Variants in IMPG1 observed in about 807,000 individuals in gnomAD.
The protein encoded by IMPG1 is interphotoreceptor matrix proteoglycan of 150 kDa.
IMPG1 carries 85 observed loss-of-function variants against 92.0 expected under a neutral mutation model. That is an observed-to-expected ratio of 0.92 (90% CI 0.78 to 1.11). IMPG1 has a LOEUF of 1.11. Ranked by LOEUF, IMPG1 falls within the 50% of genes least tolerant of loss-of-function variation. The pLI, the probability that IMPG1 is intolerant of heterozygous loss-of-function variation, is 0.00. For missense variants in IMPG1, 1,022 were observed against 956.0 expected (o/e 1.07, Z -0.91); for synonymous variants, 367 against 334.1 (o/e 1.10, Z -1.08).
chr6:76,027,824 C>T (rs1200353240), intron 4 of IMPG1, among the ~76,000 whole-genome samples: 1 of 152,104 alleles, frequency 6.6e-6, no homozygotes, highest in Admixed American at 6.6e-5. Context: ...CATTTTGGCA[C>T]AATAAATAAT....
chr6:76,048,830 C>T lies in IMPG1; in HGVS notation c.68-6704G>A, dbSNP rs543719321. ...ACAGAAATACCATTTGACCATTTGA[C>T]CCAGCAGTCCCATTACTGCATATAC... On this transcript the variant is annotated intron_variant, in intron 1 of 16. Transcript: ENST00000369950. Among the ~76,000 whole-genome samples the T allele has an allele frequency of 4.6e-5, 7 of 152,300 alleles. No homozygotes were observed. The South Asian group carries it at 1.5e-3, about 32-fold the overall frequency.
chr6:75,971,700 G>A lies in IMPG1; in HGVS notation c.1292-20606C>T, dbSNP rs190189820. Among the ~76,000 whole-genome samples, 39 of 152,292 alleles carry A rather than the reference G, an allele frequency of 2.6e-4. 1 individual carries two copies. The highest frequency in any genetic ancestry group is 2.6e-3 in the Admixed American group (39 of 15,290). ...GAAAAACTTCAGTGTCTTATCTAGT[G>A]CACCTTCCAGGCTAACTGATTCATA... On this transcript the variant is annotated intron_variant, in intron 12 of 16. Transcript: ENST00000369950.
Position 76,034,635 on chromosome 6 carries a change from C to G in IMPG1, c.454G>C (p.Asp152His). 4 of 1,614,122 alleles carry G rather than the reference C, an allele frequency of 2.5e-6. No individual in the cohort carries two copies. Among genetic ancestry groups the G allele is most frequent in the Non-Finnish European group, 3.4e-6 (4 of 1,179,992 alleles). Residue 152 changes from aspartate (D) to histidine (H), a missense_variant, in exon 3 of 17, where the codon GAT becomes CAT. Transcript: ENST00000369950. ...KNFSNSQEHL[D>H]LLQQRIKQRS... is the part of the protein sequence containing the mutation. ...TTTAGGCTCACCTGCTGGAGAAGAT[C>G]CAGGTGCTCCTGGGAATTGCTGAAG...
chr6:76,042,012 A>G lies in IMPG1; in HGVS notation c.182T>C (p.Phe61Ser). The change falls in exon 2 of 17, where the codon TTC becomes TCC. Residue 61 changes from phenylalanine to serine, a missense_variant. Physicochemically the swap from Phe to Ser is radical, Grantham distance 155. Around this residue, in one of 3 missense-constraint regions of IMPG1, gnomAD observed 681 missense variants for 583.6 expected, o/e 1.17. Coordinates refer to ENST00000369950, the MANE Select transcript of IMPG1 (RefSeq NM_001563.4). Reference sequence around the variant, plus strand: ...TTTTGTTCGATGCTTTGCCAAATCGAATATTCGTCTCATAGTTGACATTTT... The same window carrying G: ...TTTTGTTCGATGCTTTGCCAAATCGGATATTCGTCTCATAGTTGACATTTT... ...MYKMSTMRRI[F>S]DLAKHRTKRS... 3 of 1,613,478 alleles carry G rather than the reference A, an allele frequency of 1.9e-6. No homozygotes were observed.
chr6:76,026,421 T>A (rs889504819), intron 4 of IMPG1, among the ~76,000 whole-genome samples: 1 of 152,164 alleles, frequency 6.6e-6, no homozygotes, highest in African/African-American at 2.4e-5. Flanking sequence ...CATGCCCCCA[T>A]ACCCCATTGC....
chr6:76,009,044 C>T (rs1453468607), intron 8 of IMPG1, among the ~76,000 whole-genome samples: 1 of 152,062 alleles, frequency 6.6e-6, no homozygotes, highest in African/African-American at 2.4e-5. Flanking sequence ...TTGTGTATTC[C>T]AATAGTTCAT....
At chr6:75,962,155 T>G (rs1256098885) in intron 12 of IMPG1, among the ~76,000 whole-genome samples, 1 of 152,106 alleles carries the variant, frequency 6.6e-6, no homozygotes, top group Non-Finnish European at 1.5e-5. Context: ...GTTCTTACTT[T>G]GTCACCCAGG....
At chr6:76,016,094 C>A (rs1783282989) in intron 7 of IMPG1, among the ~76,000 whole-genome samples, 1 of 152,092 alleles carries the variant, frequency 6.6e-6, no homozygotes, top group Admixed American at 6.5e-5. Context: ...TGAGTTAGTA[C>A]ATATAAAGCA....
At chr6:76,011,268 G>A (rs41269329) in intron 7 of IMPG1, 44 bp from the exon 8 acceptor site, 37 of 1,073,444 alleles carry the variant, frequency 3.4e-5, no homozygotes, top group Non-Finnish European at 5.2e-5. Flanking sequence ...TGGTTCTGCT[G>A]GGTCAGTTCT....
rs149733497 is a variant in IMPG1, at chr6:75,979,817, A to T, written c.1291+23101T>A. On this transcript the variant is annotated intron_variant, in intron 12 of 16. Coordinates refer to ENST00000369950, the MANE Select transcript of IMPG1 (RefSeq NM_001563.4). ...CATAAAATTTCACAACAAAAGAGTA[A>T]CTGTATTTATTAACAATGAACTTTG... Among the ~76,000 whole-genome samples, 80 of 152,354 alleles carry T rather than the reference A, an allele frequency of 5.3e-4. No homozygotes were observed. The East Asian group carries it at 0.013, about 25-fold the overall frequency.
intron 12 of IMPG1, among the ~76,000 whole-genome samples, chr6:75,990,703 A>G (rs770865721): frequency 1.3e-5 from 2 of 152,134 alleles, no homozygotes; most frequent in Non-Finnish European, 1.5e-5. Flanking sequence ...GAAGTGCATA[A>G]CAATTCCAGA....
intron 12 of IMPG1, among the ~76,000 whole-genome samples, chr6:75,957,566 C>T (rs1323541377): frequency 2.6e-5 from 4 of 152,132 alleles, no homozygotes; most frequent in Admixed American, 2.0e-4. Context: ...GCCCTAAGAA[C>T]CTGCTCTATA....
intron 2 of IMPG1, among the ~76,000 whole-genome samples, chr6:76,036,432 CTA>C (rs1783743579): frequency 6.6e-6 from 1 of 152,190 alleles, no homozygotes; most frequent in Admixed American, 6.5e-5. Flanking sequence ...GAATCTCACT[CTA>C]TATCCATCCA....
At chr6:75,926,895 G>A (rs1781562978) in intron 15 of IMPG1, among the ~76,000 whole-genome samples, 1 of 152,208 alleles carries the variant, frequency 6.6e-6, no homozygotes, top group Non-Finnish European at 1.5e-5. Context: ...ACAATGACAA[G>A]TAACTGAAGC....
intron 12 of IMPG1, among the ~76,000 whole-genome samples, chr6:75,987,746 G>A (rs748226667): frequency 6.6e-6 from 1 of 151,382 alleles, no homozygotes; most frequent in South Asian, 2.1e-4. Flanking sequence ...CCGGGTTCAC[G>A]CCATTCTCCT....
At chr6:76,055,596 A>C (rs1458676061) in intron 1 of IMPG1, among the ~76,000 whole-genome samples, 1 of 151,930 alleles carries the variant, frequency 6.6e-6, no homozygotes, top group African/African-American at 2.4e-5. Context: ...AAATGAAAAA[A>C]AGAAATATAA....
At chr6:76,065,371 A>ATT in intron 1 of IMPG1, among the ~76,000 whole-genome samples, 1 of 152,102 alleles carries the variant, frequency 6.6e-6, no homozygotes, top group Non-Finnish European at 1.5e-5. Context: ...TTTACTAAAG[A>ATT]GATAAATATT....
In IMPG1 at chr6:76,030,706, TA is replaced by T. The variant is rs35787408; in HGVS notation, c.497+3608del. 4.7e-3 allele frequency among the ~76,000 whole-genome samples: 712 copies of T among 152,282 alleles called. 6 individuals are homozygous for T. Among genetic ancestry groups the T allele is most frequent in the African/African-American group, 0.016 (673 of 41,562 alleles). On this transcript the variant is annotated intron_variant, in intron 4 of 16. Coordinates refer to ENST00000369950, the MANE Select transcript of IMPG1 (RefSeq NM_001563.4). The stretch of plus-strand genomic sequence containing the variant: ...AATGGCCCCTTCTGCTGGGAATCCT[TA>T]AATAGGCCTCTGAGGAAGCTCTGAC...
intron 1 of IMPG1, among the ~76,000 whole-genome samples, chr6:76,044,587 G>C (rs759360552): frequency 6.6e-6 from 1 of 152,178 alleles, no homozygotes; most frequent in Admixed American, 6.5e-5. Flanking sequence ...CTTGGCTTGG[G>C]AAGAGTATCT....
Sources: allele counts gnomAD v4.1 joint callset (sites outside exome capture counted in the v4.1 genomes callset), GRCh38; gene constraint gnomAD v4.1.1; regional missense constraint gnomAD v4.1.1; transcripts MANE v1.5; gene names NCBI Gene and HGNC (gene_info 2026-07-23, HGNC 2026-07-21).